Variants in PRSS23 observed in about 807,000 individuals in gnomAD.
The protein encoded by PRSS23 is serine protease 23.
Under a neutral mutation model 34.7 loss-of-function variants are expected in PRSS23, and 25 were observed. The observed-to-expected ratio is 0.72, with a 90% confidence interval of 0.53 to 1.01. PRSS23 has a LOEUF of 1.01. PRSS23 is among the 50% of genes least tolerant of loss of function. The pLI is 0.00. For missense variants in PRSS23, 445 were observed against 475.6 expected, an observed-to-expected ratio of 0.94 and a Z score of 0.60; for synonymous variants, 176 against 186.6, an observed-to-expected ratio of 0.94 and a Z score of 0.46.
At chr11:86,926,365 C>T (rs1262692365) in intron 2 of PRSS23, among the ~76,000 whole-genome samples, 1 of 151,826 alleles carries the variant, frequency 6.6e-6, no homozygotes, top group East Asian at 1.9e-4. Flanking sequence ...CTGCATCTCA[C>T]AAAAATAAAT....
intron 2 of PRSS23, among the ~76,000 whole-genome samples, chr11:86,869,531 A>G (rs1427190257): frequency 3.3e-5 from 5 of 152,148 alleles, no homozygotes; most frequent in African/African-American, 1.2e-4. Context: ...AGTACTAGAA[A>G]TGGCATTGTT....
At chr11:86,902,217 A>C (rs1948916037) in intron 2 of PRSS23, among the ~76,000 whole-genome samples, 1 of 152,304 alleles carries the variant, frequency 6.6e-6, no homozygotes, top group African/African-American at 2.4e-5. Flanking sequence ...CTGTGCTCAG[A>C]AACTATAGGG....
At chr11:86,821,723 T>A in intron 1 of PRSS23, 1 of 1,408,206 alleles carries the variant, frequency 7.1e-7, no homozygotes, top group Non-Finnish European at 9.8e-7. Context: ...GCTAGTGTAC[T>A]GTCTATTTCT....
At chr11:86,902,267 GCTCC>G (rs1948916549) in intron 2 of PRSS23, among the ~76,000 whole-genome samples, 1 of 152,122 alleles carries the variant, frequency 6.6e-6, no homozygotes, top group Non-Finnish European at 1.5e-5. Context: ...TTATCTATTT[GCTCC>G]CAATTTCTAC....
chr11:86,828,137 T>C (rs1021450450), intron 2 of PRSS23, among the ~76,000 whole-genome samples: 15 of 151,434 alleles, frequency 9.9e-5, no homozygotes, highest in Admixed American at 7.2e-4. Flanking sequence ...CTAAGTCTCT[T>C]TGTAGGTCAC....
intron 2 of PRSS23, among the ~76,000 whole-genome samples, chr11:86,845,577 T>G (rs1335251210): frequency 6.6e-6 from 1 of 152,128 alleles, no homozygotes; most frequent in African/African-American, 2.4e-5. Flanking sequence ...TTGGGTTGAG[T>G]AGGGGCTCAG....
At chr11:86,865,199 G>C (rs912753896) in intron 2 of PRSS23, among the ~76,000 whole-genome samples, 1 of 152,204 alleles carries the variant, frequency 6.6e-6, no homozygotes, top group African/African-American at 2.4e-5. Flanking sequence ...TCACGGTACA[G>C]TGGGGAGGCC....
intron 2 of PRSS23, among the ~76,000 whole-genome samples, chr11:86,872,410 C>G (rs1350046959): frequency 6.6e-6 from 1 of 152,146 alleles, no homozygotes; most frequent in Non-Finnish European, 1.5e-5. Flanking sequence ...CTATCCCACA[C>G]TTAACACGTT....
chr11:86,791,658 A>G (rs1039007960), intron 1 of PRSS23, among the ~76,000 whole-genome samples: 1 of 152,228 alleles, frequency 6.6e-6, no homozygotes, highest in African/African-American at 2.4e-5. Flanking sequence ...CAATCTGCTG[A>G]AAGTTAAAAA....
chr11:86,882,674 T>C (rs1465327947), intron 2 of PRSS23, among the ~76,000 whole-genome samples: 1 of 152,198 alleles, frequency 6.6e-6, no homozygotes, highest in Non-Finnish European at 1.5e-5. Context: ...CATGTACATG[T>C]GTCTTTATAA....
At chr11:86,923,206 C>T (rs1949058204) in intron 2 of PRSS23, among the ~76,000 whole-genome samples, 1 of 150,676 alleles carries the variant, frequency 6.6e-6, no homozygotes, top group Non-Finnish European at 1.5e-5. Context: ...TCACTGCAAC[C>T]TCGAACTCCT....
chr11:86,952,022 G>A, exon 3 of PRSS23: 1 of 1,614,058 alleles, frequency 6.2e-7, no homozygotes, highest in South Asian at 1.1e-5. Flanking sequence ...AAACCTAGAA[G>A]AATCGATCAG....
intron 2 of PRSS23, among the ~76,000 whole-genome samples, chr11:86,845,681 C>T (rs1287810526): frequency 6.6e-6 from 1 of 152,084 alleles, no homozygotes; most frequent in Non-Finnish European, 1.5e-5. Context: ...ATTCCTAACA[C>T]CAGAATTTGT....
At chr11:86,879,667 A>G (rs61904370) in intron 2 of PRSS23, among the ~76,000 whole-genome samples, 20 of 68,878 alleles carry the variant, frequency 2.9e-4, no homozygotes, top group Non-Finnish European at 3.2e-4. Context: ...CCGTCCGGGA[A>G]GGAGGTGGGG....
intron 2 of PRSS23, among the ~76,000 whole-genome samples, chr11:86,913,359 T>G (rs891581760): frequency 4.0e-5 from 6 of 150,784 alleles, no homozygotes; most frequent in African/African-American, 1.5e-4. Flanking sequence ...GTCTAGCGTT[T>G]GTTTTTGGTT....
intron 2 of PRSS23, among the ~76,000 whole-genome samples, chr11:86,826,766 T>C (rs1948304527): frequency 6.6e-6 from 1 of 152,160 alleles, no homozygotes; most frequent in African/African-American, 2.4e-5. Context: ...GATTTTTGTC[T>C]TTGGTTCTGT....
At chr11:86,820,334 A>T (rs1408931298) in intron 1 of PRSS23, among the ~76,000 whole-genome samples, 2 of 152,240 alleles carry the variant, frequency 1.3e-5, no homozygotes, top group Non-Finnish European at 2.9e-5. Context: ...GTAAGCAATT[A>T]ATACAAATAT....
chr11:86,938,754 G>C (rs35337096), intron 2 of PRSS23, among the ~76,000 whole-genome samples: 1 of 151,802 alleles, frequency 6.6e-6, no homozygotes, highest in Non-Finnish European at 1.5e-5. Context: ...GGTGGGGTGG[G>C]GCTGGAGTGA....
At chr11:86,945,783 A>T (rs1203063687) in intron 2 of PRSS23, 1 of 152,664 alleles carries the variant, frequency 6.6e-6, no homozygotes, top group East Asian at 1.9e-4. Flanking sequence ...CGATGCAGAC[A>T]TACTTTTGTA....
Sources: gnomAD v4.1 joint callset for allele counts (sites outside exome capture counted in the v4.1 genomes callset) on GRCh38, gnomAD v4.1.1 for gene constraint, MANE v1.5 for transcripts, NCBI Gene and HGNC (gene_info 2026-07-23, HGNC 2026-07-21) for gene names.